The following SEL1L variants were observed in gnomAD, a reference collection of about 807,000 sequenced individuals.
The protein encoded by SEL1L is SEL1L adaptor subunit of SYVN1 ubiquitin ligase.
A neutral mutation model predicts 109.8 loss-of-function variants in SEL1L; 52 were observed. That is an observed-to-expected ratio of 0.47 (90% CI 0.38 to 0.60). The LOEUF (loss-of-function observed/expected upper bound fraction) is 0.60. SEL1L is among the 20% of genes least tolerant of loss of function. SEL1L has a pLI of 0.00. For synonymous variants in SEL1L, 373 were observed against 339.6 expected, an observed-to-expected ratio of 1.10 and a Z score of -1.08; for missense variants, 749 against 962.2, an observed-to-expected ratio of 0.78 and a Z score of 2.93.
chr14:81,499,776 A>G, intron 6 of SEL1L, 114 bp from the exon 7 acceptor site: 1 of 692,152 alleles, frequency 1.4e-6, no homozygotes, highest in Non-Finnish European at 2.3e-6. Context: ...TTTAAATGCT[A>G]AAAGATTTGA....
chr14:81,486,912 A>C (rs1019096039), intron 16 of SEL1L, among the ~76,000 whole-genome samples: 1 of 151,990 alleles, frequency 6.6e-6, no homozygotes, highest in Non-Finnish European at 1.5e-5. Context: ...ACAATTTCCA[A>C]TTAGGAGATA....
At chr14:81,502,527 G>GTA (rs1884057642) in intron 6 of SEL1L, among the ~76,000 whole-genome samples, 194 bp downstream of exon 6, 1 of 152,202 alleles carries the variant, frequency 6.6e-6, no homozygotes, top group Non-Finnish European at 1.5e-5. Context: ...CTGCAAAAAT[G>GTA]TCTTCCATGA....
intron 3 of SEL1L, among the ~76,000 whole-genome samples, chr14:81,510,462 T>G: frequency 6.9e-6 from 1 of 144,474 alleles, no homozygotes; most frequent in Non-Finnish European, 1.5e-5. Flanking sequence ...TAAACATAGC[T>G]AGAATGCTGA....
At chr14:81,504,416 C>T (rs1398619452) in intron 4 of SEL1L, 110 bp from the exon 5 acceptor site, 1 of 674,730 alleles carries the variant, frequency 1.5e-6, no homozygotes, top group African/African-American at 1.9e-5. Flanking sequence ...TGATCTTTCA[C>T]TATTCCCAAA....
At chr14:81,525,939 T>C (rs994066586) in intron 3 of SEL1L, among the ~76,000 whole-genome samples, 11 of 152,192 alleles carry the variant, frequency 7.2e-5, no homozygotes, top group African/African-American at 2.7e-4. Flanking sequence ...CTGTTATTTC[T>C]AGTTGATGGG....
rs747912636 is a variant in SEL1L, at chr14:81,487,420, G to A, written c.1602C>T (p.Gly534=). The A allele has an allele frequency of 8.1e-6, 13 of 1,598,936 alleles. No individual in the cohort carries two copies. The highest frequency in any genetic ancestry group is 2.3e-5 in the South Asian group (2 of 87,702). Residue 534 remains glycine (G), a synonymous_variant, in exon 16 of 21, where the codon GGC becomes GGT. Coordinates refer to ENST00000336735, the MANE Select transcript of SEL1L (RefSeq NM_005065.6). ...CTGCAGTGTGACATGATCGCATCAC[G>A]CCGGTGCCACTGGCATGCATCTGAG... The part of the protein sequence containing the change: ...NLAQMHASGT[G]VMRSCHTAVE...
At chr14:81,520,856 G>A (rs528119903) in intron 3 of SEL1L, among the ~76,000 whole-genome samples, 26 of 152,280 alleles carry the variant, frequency 1.7e-4, no homozygotes, top group African/African-American at 6.3e-4. Context: ...GAAGAAACCA[G>A]TGATGTCTCA....
intron 19 of SEL1L, among the ~76,000 whole-genome samples, chr14:81,481,327 C>A (rs1223599579): frequency 1.3e-5 from 2 of 152,190 alleles, no homozygotes; most frequent in African/African-American, 2.4e-5. Context: ...ATGACTCCCC[C>A]TCCAAACATA....
intron 3 of SEL1L, among the ~76,000 whole-genome samples, chr14:81,523,941 A>C (rs963359753): frequency 6.6e-6 from 1 of 152,064 alleles, no homozygotes; most frequent in Admixed American, 6.5e-5. Context: ...AAAGCAAAAC[A>C]AAACAAATAC....
intron 19 of SEL1L, among the ~76,000 whole-genome samples, chr14:81,483,872 C>T (rs1281918441): frequency 1.3e-5 from 2 of 152,058 alleles, no homozygotes; most frequent in African/African-American, 4.8e-5. Context: ...ATAAATTTAT[C>T]AGTAGAATAC....
chr14:81,495,289 C>A, intron 10 of SEL1L, 152 bp from the exon 11 acceptor site: 1 of 688,288 alleles, frequency 1.5e-6, no homozygotes, highest in South Asian at 1.9e-5. Context: ...AAATGCTATT[C>A]TACTTTAATT....
chr14:81,526,969 G>A lies in SEL1L; in HGVS notation c.109-5C>T, dbSNP rs1885138211. 1 of 1,597,296 alleles carries A rather than the reference G, an allele frequency of 6.3e-7. No homozygotes were observed. The highest frequency in any genetic ancestry group is 1.7e-5 in the Admixed American group (1 of 59,790). On this transcript the variant is annotated splice_region_variant and splice_polypyrimidine_tract_variant and intron_variant, in intron 2 of 20. Transcript: ENST00000336735. ...CTCATCTGATGTCAAAGTAGTCTGAGAATATAAAGTATTTTTAGTTATCAA... is the reference window on the plus strand; with the variant it reads ...CTCATCTGATGTCAAAGTAGTCTGAAAATATAAAGTATTTTTAGTTATCAA...
chr14:81,485,587 C>T (rs1019463086), intron 18 of SEL1L, 85 bp downstream of exon 18: 12 of 1,185,822 alleles, frequency 1.0e-5, no homozygotes, highest in Admixed American at 1.7e-5. Flanking sequence ...CCACAGTACT[C>T]GGCTTCATGA....
intron 14 of SEL1L, 142 bp from the exon 15 acceptor site, chr14:81,488,084 T>G (rs1883385293): frequency 3.4e-6 from 2 of 591,316 alleles, no homozygotes; most frequent in East Asian, 2.9e-5. Context: ...CTAATTCTTA[T>G]AATAGATAAT....
intron 1 of SEL1L, among the ~76,000 whole-genome samples, chr14:81,530,977 G>A (rs1317434270): frequency 3.3e-5 from 5 of 152,292 alleles, no homozygotes; most frequent in Non-Finnish European, 7.3e-5. Flanking sequence ...AAAATATGGT[G>A]TAAAAGATTA....
At position 81,498,045 on chromosome 14, in the gene SEL1L, A is replaced by C; in HGVS notation, c.975T>G (p.Val325=). Residue 325 remains valine, a splice_region_variant and synonymous_variant, in exon 10 of 21, where the codon GTT becomes GTG. Transcript: ENST00000336735. ...LTHYRLVANH[V]ASDISLTGGS... The stretch of plus-strand genomic sequence containing the variant: ...CTCCTGTTAGCGAGATATCACTAGC[A>C]ACTGAAATAGAGGGATAAAACAATA... The C allele has an allele frequency of 6.2e-7, 1 of 1,612,288 alleles. No homozygotes were observed. Among genetic ancestry groups the C allele is most frequent in the Non-Finnish European group, 8.5e-7 (1 of 1,179,448 alleles).
chr14:81,521,543 G>A (rs1040188475), intron 3 of SEL1L, among the ~76,000 whole-genome samples: 7 of 152,174 alleles, frequency 4.6e-5, no homozygotes, highest in African/African-American at 7.2e-5. Flanking sequence ...GGTCCCATAA[G>A]ATTATATCGC....
At position 81,492,557 on chromosome 14, in the gene SEL1L, A is replaced by G. The variant is rs759495204; in HGVS notation, c.1186-9T>C. 69 of 1,571,384 alleles carry G rather than the reference A, an allele frequency of 4.4e-5. No homozygotes were observed. Among genetic ancestry groups the G allele is most frequent in the Non-Finnish European group, 5.8e-5 (67 of 1,151,686 alleles). ...AAGTAGTCAAATGCTCTCTATGAGA[A>G]AAGAATTTATTAAAATAATTAGTTT... On this transcript the variant is annotated splice_polypyrimidine_tract_variant and intron_variant, in intron 11 of 20. Coordinates refer to ENST00000336735, the MANE Select transcript of SEL1L (RefSeq NM_005065.6).
intron 3 of SEL1L, among the ~76,000 whole-genome samples, chr14:81,522,705 G>A (rs1236892319): frequency 6.6e-6 from 1 of 152,166 alleles, no homozygotes; most frequent in African/African-American, 2.4e-5. Context: ...CTGGGTCCAG[G>A]ACCTGGCCTG....
Sources: allele counts gnomAD v4.1 joint callset (sites outside exome capture counted in the v4.1 genomes callset), GRCh38; gene constraint gnomAD v4.1.1; transcripts MANE v1.5; gene names NCBI Gene and HGNC (gene_info 2026-07-23, HGNC 2026-07-21).